DNAL4: variants seen among roughly 807,000 people sequenced by gnomAD.
DNAL4 encodes the protein dynein axonemal light chain 4, also known as dynein light chain, outer arm 4.
DNAL4 carries 10 observed loss-of-function variants against 12.6 expected under a neutral mutation model. That is an observed-to-expected ratio of 0.79 (90% confidence interval 0.49 to 1.34). The LOEUF is 1.34. DNAL4 is among the 40% of genes most tolerant of loss of function. The pLI is 0.00. For missense variants in DNAL4, 128 were observed against 138.1 expected, an observed-to-expected ratio of 0.93 and a Z score of 0.37; for synonymous variants, 46 against 53.1, an observed-to-expected ratio of 0.87 and a Z score of 0.58.
chr22:38,793,241 A>G (rs1217397310), intron 1 of DNAL4, among the ~76,000 whole-genome samples: 1 of 152,196 alleles, frequency 6.6e-6, no homozygotes, highest in Non-Finnish European at 1.5e-5. Flanking sequence ...CAACTGGAGA[A>G]ATGACAGTTC....
chr22:38,784,506 CT>C (rs1012937453), intron 1 of DNAL4, among the ~76,000 whole-genome samples: 10,996 of 139,130 alleles, frequency 0.079, 412 homozygotes, highest in South Asian at 0.15. Flanking sequence ...GTCTCTTTCA[CT>C]TTTTTTTTTT....
intron 1 of DNAL4, among the ~76,000 whole-genome samples, chr22:38,792,250 G>A (rs1322901380): frequency 6.7e-6 from 1 of 150,150 alleles, no homozygotes; most frequent in Non-Finnish European, 1.5e-5. Flanking sequence ...TATTCTATAA[G>A]CTTTTTTCTA....
chr22:38,779,655 T>C lies in DNAL4; in HGVS notation c.154-42A>G, dbSNP rs769321207. ...ACTTATCAAGGGGGCGCAGGGCAGG[T>C]GGGGGCAGGAGTCAGGTCCTTCTCC... On this transcript the variant is annotated intron_variant, in intron 3 of 3. Transcript: ENST00000216068. This position sits in a 1 kb window ranked among gnomAD's most constrained non-coding sequence, Gnocchi z 4.3. The C allele has an allele frequency of 1.1e-5, 18 of 1,565,612 alleles. No homozygotes were observed. The highest frequency in any genetic ancestry group is 1.6e-5 in the Non-Finnish European group (18 of 1,152,406).
At chr22:38,790,886 G>A (rs1466237400) in intron 1 of DNAL4, among the ~76,000 whole-genome samples, 1 of 152,206 alleles carries the variant, frequency 6.6e-6, no homozygotes, top group Admixed American at 6.5e-5. Context: ...AAGTACAGTT[G>A]GCCGGGTGCG....
At chr22:38,793,835 G>A (rs888781546) in intron 1 of DNAL4, among the ~76,000 whole-genome samples, 1 of 151,974 alleles carries the variant, frequency 6.6e-6, no homozygotes, top group Admixed American at 6.6e-5. Context: ...GGGTGGGGAA[G>A]AGCAGCCGGC....
intron 1 of DNAL4, 141 bp from the exon 2 acceptor site, chr22:38,783,011 G>C (rs765758580): frequency 1.8e-5 from 6 of 340,150 alleles, no homozygotes; most frequent in Non-Finnish European, 2.7e-5. Flanking sequence ...CAAGTCTGCA[G>C]ACGGCAGGAT....
chr22:38,780,998 C>T lies in DNAL4; in HGVS notation c.81G>A (p.Met27Ile). 6.2e-7 allele frequency: 1 copy of T among 1,614,166 alleles called. No individual in the cohort carries two copies. Among genetic ancestry groups the T allele is most frequent in the Non-Finnish European group, 8.5e-7 (1 of 1,180,012 alleles). The change falls in exon 3 of 4, where the codon ATG becomes ATA. Residue 27 changes from methionine (M) to isoleucine (I), a missense_variant. By Grantham distance (10) the Met-to-Ile change is conservative. Coordinates refer to ENST00000216068, the MANE Select transcript of DNAL4 (RefSeq NM_005740.3). ...TGGTCTCCACGCGCATCTCCTCTGG[C>T]ATGTCCGAGTGCTAGAGACAGGGCA... ...QTFPLVRHSD[M>I]PEEMRVETME...
At position 38,779,273 on chromosome 22, in the gene DNAL4, T is replaced by C. The variant is rs1032651831; in HGVS notation, c.*176A>G. On this transcript the variant is annotated 3_prime_UTR_variant, in exon 4 of 4. Coordinates refer to ENST00000216068, the MANE Select transcript of DNAL4 (RefSeq NM_005740.3). This position sits in a 1 kb window ranked among gnomAD's most constrained non-coding sequence, Gnocchi z 4.3. ...ACTCCGAGGGAGACGGTTGAGAGCC[T>C]GGGGATGGAGATGTCAAGTTCACAC... 8.3e-5 allele frequency: 68 copies of C among 819,812 alleles called. No individual in the cohort carries two copies. The highest frequency in any genetic ancestry group is 1.1e-4 in the Non-Finnish European group (59 of 552,096). 50.8% of individuals were successfully genotyped at this position (819,812 alleles called of 1,614,324 possible). A position where few individuals can be genotyped will look rare whatever the true frequency, so the allele number is the denominator to read the frequency against.
intron 1 of DNAL4, among the ~76,000 whole-genome samples, chr22:38,793,428 G>C (rs868110340): frequency 6.6e-6 from 1 of 152,188 alleles, no homozygotes; most frequent in Non-Finnish European, 1.5e-5. Context: ...CTGATTAAAA[G>C]CGCAGGGAGG....
intron 2 of DNAL4, among the ~76,000 whole-genome samples, chr22:38,781,864 C>T (rs1482694097): frequency 6.6e-6 from 1 of 152,230 alleles, no homozygotes; most frequent in Non-Finnish European, 1.5e-5. Flanking sequence ...GAGCCGCACC[C>T]AGCCACCCTC....
At chr22:38,786,495 A>G (rs747879105) in intron 1 of DNAL4, among the ~76,000 whole-genome samples, 1 of 152,166 alleles carries the variant, frequency 6.6e-6, no homozygotes. Flanking sequence ...GGAGACAGAG[A>G]TTGCGGTGAG....
At chr22:38,783,946 T>C (rs1241335927) in intron 1 of DNAL4, among the ~76,000 whole-genome samples, 1 of 149,352 alleles carries the variant, frequency 6.7e-6, no homozygotes, top group Non-Finnish European at 1.5e-5. Context: ...TTCAACCCAA[T>C]TTATCTCATA....
chr22:38,792,033 T>G (rs1569319694), intron 1 of DNAL4, among the ~76,000 whole-genome samples: 1 of 152,080 alleles, frequency 6.6e-6, no homozygotes, highest in African/African-American at 2.4e-5. Flanking sequence ...ATAAACACCG[T>G]AAAAAATTTA....
chr22:38,779,731 C>G lies in DNAL4; in HGVS notation c.154-118G>C. 22 of 1,309,268 alleles carry G rather than the reference C, an allele frequency of 1.7e-5. No individual in the cohort carries two copies. Among genetic ancestry groups the G allele is most frequent in the Non-Finnish European group, 2.3e-5 (22 of 970,098 alleles). The allele number at this position is 1,309,268 out of a possible 1,614,324, so 81.1% of individuals were successfully genotyped here. On this transcript the variant is annotated intron_variant, in intron 3 of 3. Coordinates refer to ENST00000216068, the MANE Select transcript of DNAL4 (RefSeq NM_005740.3). The surrounding 1 kb of genome is among the most constrained non-coding windows in gnomAD (Gnocchi z 4.3). ...TCTTGGCAAGAGAAAGGCCTGCTGT[C>G]CTATTTCTCTTGTCCTCCTGCTTCA...
chr22:38,792,802 G>A (rs1035806727), intron 1 of DNAL4, among the ~76,000 whole-genome samples: 1 of 152,122 alleles, frequency 6.6e-6, no homozygotes, highest in Non-Finnish European at 1.5e-5. Flanking sequence ...ACCTATCTAA[G>A]ACTGTTTACG....
Position 38,782,591 on chromosome 22 carries a change from C to G in DNAL4, c.69+72G>C. The G allele has an allele frequency of 6.5e-7, 1 of 1,536,664 alleles. No individual in the cohort carries two copies. The highest frequency in any genetic ancestry group is 8.9e-7 in the Non-Finnish European group (1 of 1,118,896). On this transcript the variant is annotated intron_variant, in intron 2 of 3. Coordinates refer to ENST00000216068, the MANE Select transcript of DNAL4 (RefSeq NM_005740.3). This position sits in a 1 kb window ranked among gnomAD's most constrained non-coding sequence, Gnocchi z 5.1. The stretch of plus-strand genomic sequence containing the variant: ...CCTCCCACTGCCATCCTGCAAGGGA[C>G]AAGCTCCACCCACCTCTCTCCAGGC...
chr22:38,788,722 CG>C (rs2093046136), intron 1 of DNAL4, among the ~76,000 whole-genome samples: 1 of 152,052 alleles, frequency 6.6e-6, no homozygotes, highest in Non-Finnish European at 1.5e-5. Context: ...GGCAGGCTCC[CG>C]CCCCGCTCTC....
chr22:38,779,440 G>A lies in DNAL4; in HGVS notation c.*9C>T, dbSNP rs1167718107. 4.5e-6 allele frequency: 7 copies of A among 1,563,382 alleles called. No homozygotes were observed. The African/African-American group carries it at 5.4e-5, about 12-fold the overall frequency. On this transcript the variant is annotated 3_prime_UTR_variant, in exon 4 of 4. Transcript: ENST00000216068. The surrounding 1 kb of genome is among the most constrained non-coding windows in gnomAD (Gnocchi z 4.3). ...AGGCCCTGCAGGGGACGGGGCAGGGGACAGAGTGTCAGGAGCACTTCCAGA... is the reference window on the plus strand; with the variant it reads ...AGGCCCTGCAGGGGACGGGGCAGGGAACAGAGTGTCAGGAGCACTTCCAGA...
intron 1 of DNAL4, chr22:38,785,290 C>T (rs2093040604): frequency 6.6e-6 from 1 of 152,200 alleles, no homozygotes; most frequent in Admixed American, 6.5e-5. Context: ...GGCGGCTACA[C>T]TGATGACAGA....
Sources: allele counts gnomAD v4.1 joint callset (sites outside exome capture counted in the v4.1 genomes callset), GRCh38; gene constraint gnomAD v4.1.1; non-coding constraint Gnocchi (gnomAD v3.1); transcripts MANE v1.5; gene names NCBI Gene and HGNC (gene_info 2026-07-23, HGNC 2026-07-21).